Variants in SCN7A observed in about 807,000 individuals in gnomAD.
The protein encoded by SCN7A is sodium voltage-gated channel alpha subunit 7, also known as sodium channel protein type 7 subunit alpha.
In SCN7A, 138 loss-of-function variants were observed where a neutral mutation model predicts 155.2. That is an observed-to-expected ratio of 0.89 (90% CI 0.77 to 1.02). The LOEUF (loss-of-function observed/expected upper bound fraction) is 1.02, where lower values mean the gene tolerates loss of function less well. SCN7A is among the 50% of genes least tolerant of loss of function. The probability of loss-of-function intolerance (pLI) is 0.00; values close to 1 mark genes in which losing one functional copy is unlikely to be tolerated. For missense variants in SCN7A, 2,058 were observed against 1,986.6 expected (o/e 1.04, Z -0.68); for synonymous variants, 693 against 649.0 (o/e 1.07, Z -1.03).
chr2:166,471,970 T>A (rs1702667252), intron 6 of SCN7A, among the ~76,000 whole-genome samples: 1 of 151,958 alleles, frequency 6.6e-6, no homozygotes, highest in Non-Finnish European at 1.5e-5. Flanking sequence ...TCATTCTTTT[T>A]TTATTATTAT....
At chr2:166,448,113 C>T (rs184962823) in intron 11 of SCN7A, among the ~76,000 whole-genome samples, 82 of 152,232 alleles carry the variant, frequency 5.4e-4, no homozygotes, top group Non-Finnish European at 2.1e-4. Flanking sequence ...CATACCCCCT[C>T]ATACATACCC....
rs1388798805 is a variant in SCN7A at position 166,476,161 on chromosome 2, T to C, written c.234+1302A>G. ...GCATGTATATTATAACAATGCTGCA[T>C]AATGCCCATGGAGGCTACCCGAGAT... On this transcript the variant is annotated intron_variant, in intron 3 of 25. Coordinates refer to ENST00000643258, the MANE Select transcript of SCN7A (RefSeq NM_002976.4). 3.9e-5 allele frequency among the ~76,000 whole-genome samples: 6 copies of C among 152,112 alleles called. No homozygotes were observed. In the East Asian group the frequency reaches 1.2e-3, roughly 29 times the overall value.
intron 5 of SCN7A, 86 bp from the exon 6 acceptor site, chr2:166,472,531 C>A: frequency 8.8e-7 from 1 of 1,134,140 alleles, no homozygotes; most frequent in South Asian, 1.6e-5. Flanking sequence ...AACTAGCTGG[C>A]ATTTAAGAAT....
At chr2:166,480,727 T>C (rs1201113314) in intron 2 of SCN7A, among the ~76,000 whole-genome samples, 1 of 152,224 alleles carries the variant, frequency 6.6e-6, no homozygotes, top group East Asian at 1.9e-4. Flanking sequence ...CCTCCTTCTA[T>C]GTGGAAAGAG....
rs777319565 is a variant in SCN7A at position 166,473,846 on chromosome 2, G to A, written c.396C>T (p.Cys132=). Residue 132 remains cysteine, a synonymous_variant, in exon 5 of 26, where the codon TGC becomes TGT. Coordinates refer to ENST00000643258, the MANE Select transcript of SCN7A (RefSeq NM_002976.4). The part of the protein sequence containing the change: ...LFILISVLID[C]VFMSLTNLPK... Reference sequence around the variant, plus strand: ...GCAAATTAGTCAGGGACATGAATACGCAATCAATCAGGACACTAATTAGAA... The same window carrying A: ...GCAAATTAGTCAGGGACATGAATACACAATCAATCAGGACACTAATTAGAA... The A allele has an allele frequency of 1.7e-5, 27 of 1,560,556 alleles. No homozygotes were observed. The highest frequency in any genetic ancestry group is 1.5e-4 in the African/African-American group (11 of 73,202).
At chr2:166,433,578 A>G (rs1237923861) in intron 15 of SCN7A, among the ~76,000 whole-genome samples, 2 of 152,096 alleles carry the variant, frequency 1.3e-5, no homozygotes, top group Non-Finnish European at 2.9e-5. Context: ...CATAGATTAG[A>G]CCCAAGTCTG....
intron 11 of SCN7A, among the ~76,000 whole-genome samples, chr2:166,451,962 T>C (rs1447994427): frequency 6.6e-6 from 1 of 152,134 alleles, no homozygotes; most frequent in Non-Finnish European, 1.5e-5. Context: ...TAATACACTT[T>C]TCAGATAAAA....
chr2:166,411,688 G>T (rs1304669842), intron 23 of SCN7A, among the ~76,000 whole-genome samples: 1 of 151,964 alleles, frequency 6.6e-6, no homozygotes, highest in Non-Finnish European at 1.5e-5. Flanking sequence ...CATGGAAAAG[G>T]CATCTTAACG....
At chr2:166,456,412 G>C (rs1048060289) in intron 11 of SCN7A, among the ~76,000 whole-genome samples, 38 of 151,260 alleles carry the variant, frequency 2.5e-4, no homozygotes, top group Admixed American at 2.4e-3. Context: ...TTCCAAAAAG[G>C]GTTGAAATTA....
At chr2:166,410,441 A>C (rs1701176883) in intron 23 of SCN7A, 117 bp from the exon 24 acceptor site, 2 of 653,738 alleles carry the variant, frequency 3.1e-6, no homozygotes, top group African/African-American at 3.7e-5. Context: ...AAAAAGGCTT[A>C]AGTGCAGTGA....
chr2:166,477,346 A>C (rs1702820550), intron 3 of SCN7A, 117 bp downstream of exon 3: 5 of 764,104 alleles, frequency 6.5e-6, no homozygotes, highest in Non-Finnish European at 1.0e-5. Context: ...TAAAATTTAA[A>C]ATCAGATCTT....
intron 1 of SCN7A, among the ~76,000 whole-genome samples, chr2:166,491,617 C>CAGCA (rs1683108543): frequency 1.3e-5 from 2 of 152,086 alleles, no homozygotes; most frequent in Admixed American, 1.3e-4. Context: ...AATGAGACCT[C>CAGCA]ACTTGTCTGG....
In SCN7A at chr2:166,429,224, G is replaced by A. The variant is rs1198589420; in HGVS notation, c.2643C>T (p.Ile881=). ...CATAGAACATTTCTTCTTCTTCAGA[G>A]ATAGCAATATCAACAGTACTGCATT... ...SSECSTVDIA[I]SEEEEMFYGG... is the part of the protein sequence containing the mutation. The change falls in exon 17 of 26, where the codon ATC becomes ATT. Residue 881 remains isoleucine (I), a synonymous_variant. Coordinates refer to ENST00000643258, the MANE Select transcript of SCN7A (RefSeq NM_002976.4). The A allele has an allele frequency of 6.5e-6, 10 of 1,547,742 alleles. No homozygotes were observed. The highest frequency in any genetic ancestry group is 8.7e-6 in the Non-Finnish European group (10 of 1,144,758).
At chr2:166,485,487 A>G (rs1253971012) in intron 2 of SCN7A, among the ~76,000 whole-genome samples, 1 of 152,180 alleles carries the variant, frequency 6.6e-6, no homozygotes, top group Admixed American at 6.5e-5. Context: ...AAGATCAATG[A>G]GCATAAGGAA....
chr2:166,473,478 A>G (rs947120462), intron 5 of SCN7A, among the ~76,000 whole-genome samples: 1 of 151,686 alleles, frequency 6.6e-6, no homozygotes, highest in African/African-American at 2.4e-5. Context: ...GGGCCTTTCC[A>G]TCCTTACAGT....
At chr2:166,456,171 C>G (rs888056573) in intron 11 of SCN7A, among the ~76,000 whole-genome samples, 1 of 151,940 alleles carries the variant, frequency 6.6e-6, no homozygotes, top group African/African-American at 2.4e-5. Context: ...AGCACATGGG[C>G]ACAGGGAGGG....
chr2:166,447,629 G>C lies in SCN7A; in HGVS notation c.1370C>G (p.Thr457Ser), dbSNP rs1319126400. Residue 457 changes from threonine to serine, a missense_variant, in exon 12 of 26, where the codon ACT becomes AGT. Physicochemically the swap from Thr to Ser is moderately conservative, Grantham distance 58. Transcript: ENST00000643258. ...DTSLDVLEDA[T>S]LRHKEELEKS... ...TACTTTACCTTCCTTATGTCTGAGAGTAGCATCTTCCAACACATCCAATGA... is the reference window on the plus strand; with the variant it reads ...TACTTTACCTTCCTTATGTCTGAGACTAGCATCTTCCAACACATCCAATGA... 2 of 1,609,862 alleles carry C rather than the reference G, an allele frequency of 1.2e-6. No individual in the cohort carries two copies. Among genetic ancestry groups the C allele is most frequent in the South Asian group, 2.2e-5 (2 of 90,938 alleles).
chr2:166,467,374 C>A (rs1267476812), intron 7 of SCN7A, among the ~76,000 whole-genome samples: 2 of 151,420 alleles, frequency 1.3e-5, no homozygotes, highest in African/African-American at 4.8e-5. Context: ...CTTAGTATAT[C>A]TTTATACTGA....
chr2:166,455,441 G>A (rs1347244798), intron 11 of SCN7A, among the ~76,000 whole-genome samples: 1 of 152,108 alleles, frequency 6.6e-6, no homozygotes, highest in Non-Finnish European at 1.5e-5. Flanking sequence ...ATTAACACAG[G>A]AACAGAAAAC....
Sources: gnomAD v4.1 joint callset for allele counts (sites outside exome capture counted in the v4.1 genomes callset) on GRCh38, gnomAD v4.1.1 for gene constraint, MANE v1.5 for transcripts, NCBI Gene and HGNC (gene_info 2026-07-23, HGNC 2026-07-21) for gene names.